The following CAMTA1 variants were observed in gnomAD, a reference collection of about 807,000 sequenced individuals.
CAMTA1 encodes calmodulin binding transcription activator 1.
CAMTA1 carries 27 observed loss-of-function variants against 170.9 expected under a neutral mutation model. That is an observed-to-expected ratio of 0.16 (90% CI 0.12 to 0.22). CAMTA1 has a LOEUF of 0.22. CAMTA1 is among the 10% of genes least tolerant of loss of function. CAMTA1 has a pLI of 1.00. For missense variants in CAMTA1, 1,619 were observed against 2,217.2 expected (o/e 0.73, Z 5.42); for synonymous variants, 833 against 891.5 (o/e 0.93, Z 1.17).
intron 11 of CAMTA1, among the ~76,000 whole-genome samples, chr1:7,718,982 T>C (rs12746402): frequency 6.6e-6 from 1 of 152,144 alleles, no homozygotes; most frequent in African/African-American, 2.4e-5. Flanking sequence ...TGATTTTCAC[T>C]GTGCACTGAA....
chr1:6,895,111 A>C (rs1482378809), intron 3 of CAMTA1, among the ~76,000 whole-genome samples: 1 of 152,190 alleles, frequency 6.6e-6, no homozygotes, highest in East Asian at 1.9e-4. Flanking sequence ...TAACACTTAA[A>C]TCTGCCTTGG....
chr1:7,554,338 A>G (rs1183904057), intron 6 of CAMTA1, among the ~76,000 whole-genome samples: 1 of 152,126 alleles, frequency 6.6e-6, no homozygotes, highest in Non-Finnish European at 1.5e-5. Flanking sequence ...GAGACCTAGT[A>G]TGTGCCAAAT....
At chr1:7,705,534 C>T (rs1210891443) in intron 11 of CAMTA1, among the ~76,000 whole-genome samples, 1 of 148,286 alleles carries the variant, frequency 6.7e-6, no homozygotes, top group African/African-American at 2.5e-5. Context: ...GGGGCTGGGG[C>T]GGCGTCGGGG....
rs2096824800 is a variant in CAMTA1 at position 7,742,326 on chromosome 1, G to A, written c.4183-2509G>A. ...GTAGATATGAAAAGCATATGAACAAGTTGAACAACAAAATCAGAAGGCTTG... is the reference window on the plus strand; with the variant it reads ...GTAGATATGAAAAGCATATGAACAAATTGAACAACAAAATCAGAAGGCTTG... On this transcript the variant is annotated intron_variant, in intron 16 of 22. Coordinates refer to ENST00000303635, the MANE Select transcript of CAMTA1 (RefSeq NM_015215.4). Among the ~76,000 whole-genome samples the A allele has an allele frequency of 2.0e-5, 3 of 151,898 alleles. No individual in the cohort carries two copies. In the South Asian group the frequency reaches 6.2e-4, roughly 32 times the overall value.
Position 7,314,505 on chromosome 1 carries a change from A to C in CAMTA1, c.438+64879A>C, listed in dbSNP as rs377536905. Among the ~76,000 whole-genome samples the C allele has an allele frequency of 2.0e-5, 3 of 152,200 alleles. No homozygotes were observed. In the East Asian group the frequency reaches 5.8e-4, roughly 29 times the overall value. On this transcript the variant is annotated intron_variant, in intron 5 of 22. Transcript: ENST00000303635. ...ATCATGGTGCTGTTTGTGGTTCCCAACTGCCATCTCCAGTCCAGGCATTAT... is the reference window on the plus strand; with the variant it reads ...ATCATGGTGCTGTTTGTGGTTCCCACCTGCCATCTCCAGTCCAGGCATTAT...
In CAMTA1 at chr1:7,738,777, C is replaced by G. The variant is rs1378320883; in HGVS notation, c.4182+295C>G. Among the ~76,000 whole-genome samples, 2 of 152,166 alleles carry G rather than the reference C, an allele frequency of 1.3e-5. No homozygotes were observed. Among genetic ancestry groups the G allele is most frequent in the East Asian group, 3.9e-4 (2 of 5,190 alleles). ...CCCTACAGTACGTCATCTGCTTCCT[C>G]CTTGCATTTAGGTTGATTGATTTCA... On this transcript the variant is annotated intron_variant, in intron 16 of 22. Transcript: ENST00000303635. This position sits in a 1 kb window ranked among gnomAD's most constrained non-coding sequence, Gnocchi z 4.9.
rs771724996 is a variant in CAMTA1 at position 7,677,622 on chromosome 1, C to T, written c.2803C>T (p.Leu935=). The T allele has an allele frequency of 1.2e-6, 2 of 1,614,122 alleles. No individual in the cohort carries two copies. Among genetic ancestry groups the T allele is most frequent in the South Asian group, 1.1e-5 (1 of 91,060 alleles). ...AGCCCATGACACTGGTCTTGTGACC[C>T]TACAAGTTGCCTTCAACAACCAGAT... The part of the protein sequence containing the change: ...CPAHDTGLVT[L]QVAFNNQIIS... The change falls in exon 11 of 23, where the codon CTA becomes TTA. Residue 935 remains leucine (L), a synonymous_variant. Transcript: ENST00000303635.
intron 6 of CAMTA1, among the ~76,000 whole-genome samples, chr1:7,470,031 C>T (rs1392845530): frequency 6.6e-6 from 1 of 152,244 alleles, no homozygotes; most frequent in South Asian, 2.1e-4. Context: ...TGGAGTCTCC[C>T]CGAAGGCCAG....
At chr1:6,847,685 A>G (rs908739093) in intron 3 of CAMTA1, among the ~76,000 whole-genome samples, 61 of 151,192 alleles carry the variant, frequency 4.0e-4, no homozygotes, top group Non-Finnish European at 7.7e-4. Flanking sequence ...GATTACAGGC[A>G]TGCACTGCCA....
intron 3 of CAMTA1, among the ~76,000 whole-genome samples, chr1:7,037,531 G>A (rs375688191): frequency 3.3e-5 from 5 of 152,140 alleles, no homozygotes; most frequent in African/African-American, 7.2e-5. Context: ...CAGTGTTTTC[G>A]TTAAGTTTTA....
rs1318414880 is a variant in CAMTA1, at chr1:7,665,580, T to G, written c.2652+381T>G. Among the ~76,000 whole-genome samples the G allele has an allele frequency of 6.6e-6, 1 of 151,922 alleles. No homozygotes were observed. The highest frequency in any genetic ancestry group is 1.5e-5 in the Non-Finnish European group (1 of 67,952). ...TATTAAAAAAATAAGCCAGGTGTGG[T>G]GGGGCCTGCCTATGGTCCCAGCTAT... On this transcript the variant is annotated intron_variant, in intron 9 of 22. Transcript: ENST00000303635. This position sits in a 1 kb window ranked among gnomAD's most constrained non-coding sequence, Gnocchi z 4.3.
At chr1:7,001,919 C>T (rs371837496) in intron 3 of CAMTA1, among the ~76,000 whole-genome samples, 7 of 126,936 alleles carry the variant, frequency 5.5e-5, no homozygotes, top group East Asian at 2.2e-4. Context: ...TTTTTTGAGA[C>T]GGATTCTCCC....
chr1:7,531,801 C>A (rs1023391253), intron 6 of CAMTA1, among the ~76,000 whole-genome samples: 18 of 152,202 alleles, frequency 1.2e-4, no homozygotes, highest in African/African-American at 4.3e-4. Context: ...GTCCACAGAG[C>A]GGCTGAGACT....
At chr1:7,683,346 G>A (rs2096229490) in intron 11 of CAMTA1, among the ~76,000 whole-genome samples, 1 of 152,156 alleles carries the variant, frequency 6.6e-6, no homozygotes, top group African/African-American at 2.4e-5. Flanking sequence ...TTGTGGAGCA[G>A]AATACAAAAT....
chr1:6,826,499 G>A (rs940233855), intron 3 of CAMTA1, among the ~76,000 whole-genome samples: 5 of 152,146 alleles, frequency 3.3e-5, no homozygotes, highest in African/African-American at 1.2e-4. Context: ...CAGCAAAATA[G>A]TATTATATAA....
chr1:7,438,459 G>A (rs1224941810), intron 5 of CAMTA1, among the ~76,000 whole-genome samples: 3 of 152,206 alleles, frequency 2.0e-5, no homozygotes, highest in African/African-American at 7.2e-5. Flanking sequence ...AACCATGGCT[G>A]GAGAGACTGG....
intron 3 of CAMTA1, among the ~76,000 whole-genome samples, chr1:7,048,394 T>C (rs1705753317): frequency 1.3e-5 from 2 of 152,130 alleles, no homozygotes; most frequent in South Asian, 4.1e-4. Flanking sequence ...GTGGGAGCCA[T>C]TTGAAAAACA....
chr1:6,876,889 A>T (rs1307856561), intron 3 of CAMTA1, among the ~76,000 whole-genome samples: 5 of 152,132 alleles, frequency 3.3e-5, no homozygotes, highest in African/African-American at 7.2e-5. Flanking sequence ...ATGGATTTGG[A>T]CCATTCAAGG....
At chr1:7,708,760 ATTAC>A (rs2096546538) in intron 11 of CAMTA1, among the ~76,000 whole-genome samples, 1 of 152,210 alleles carries the variant, frequency 6.6e-6, no homozygotes, top group Non-Finnish European at 1.5e-5. Flanking sequence ...ATAATTAAAT[ATTAC>A]TTTGAGGAAG....
Sources: gnomAD v4.1 joint callset for allele counts (sites outside exome capture counted in the v4.1 genomes callset) on GRCh38, gnomAD v4.1.1 for gene constraint, Gnocchi (gnomAD v3.1) non-coding constraint, MANE v1.5 for transcripts, NCBI Gene and HGNC (gene_info 2026-07-23, HGNC 2026-07-21) for gene names.